The following ROBO2 variants were observed in gnomAD, a reference collection of about 807,000 sequenced individuals.
The protein encoded by ROBO2 is roundabout homolog 2.
Under a neutral mutation model 160.8 loss-of-function variants are expected in ROBO2, and 53 were observed. The observed-to-expected ratio is 0.33, with a 90% CI of 0.26 to 0.41. ROBO2 has a LOEUF of 0.41. Among genes scored for constraint, ROBO2 ranks in the 10% least tolerant of loss-of-function variants. The pLI, the probability that ROBO2 is intolerant of heterozygous loss-of-function variation, is 1.00. For synonymous variants in ROBO2, 664 were observed against 611.7 expected (o/e 1.09, Z -1.26); for missense variants, 1,577 against 1,722.4 (o/e 0.92, Z 1.49).
intron 1 of ROBO2, among the ~76,000 whole-genome samples, chr3:77,065,823 A>G (rs528734533): frequency 2.4e-4 from 37 of 152,280 alleles, no homozygotes; most frequent in South Asian, 8.3e-4. Context: ...CTCTGAGGTC[A>G]GAGTTCAAAT....
chr3:76,940,752 C>A (rs78028924), intron 2 of ROBO2, among the ~76,000 whole-genome samples: 14,864 of 152,250 alleles, frequency 0.098, 873 homozygotes, highest in East Asian at 0.24. Flanking sequence ...GGCTTTATTG[C>A]ACAATGTATA....
At chr3:76,914,889 C>T (rs1193530670) in intron 2 of ROBO2, among the ~76,000 whole-genome samples, 2 of 151,970 alleles carry the variant, frequency 1.3e-5, no homozygotes, top group Admixed American at 1.3e-4. Context: ...GAACAGCATC[C>T]CATTCTTACT....
intron 2 of ROBO2, among the ~76,000 whole-genome samples, chr3:75,965,880 T>G (rs1949091634): frequency 1.3e-5 from 2 of 151,722 alleles, no homozygotes; most frequent in African/African-American, 2.4e-5. Context: ...ATTAATATAT[T>G]AAAGTATCTT....
intron 2 of ROBO2, among the ~76,000 whole-genome samples, chr3:77,259,669 C>T (rs1454343155): frequency 6.6e-6 from 1 of 152,114 alleles, no homozygotes; most frequent in Non-Finnish European, 1.5e-5. Context: ...GAAAGTTTAC[C>T]TTAGCATTTC....
chr3:76,341,144 A>C (rs531838945), intron 2 of ROBO2, among the ~76,000 whole-genome samples: 3 of 152,246 alleles, frequency 2.0e-5, no homozygotes, highest in African/African-American at 7.2e-5. Context: ...TATCAGATTT[A>C]ACTTGTCAGA....
At chr3:77,318,383 A>G (rs2064292832) in intron 2 of ROBO2, among the ~76,000 whole-genome samples, 1 of 152,158 alleles carries the variant, frequency 6.6e-6, no homozygotes. Context: ...CCAATTCTCA[A>G]CTTCTATTAA....
At chr3:76,449,765 G>A (rs2077382420) in intron 2 of ROBO2, among the ~76,000 whole-genome samples, 2 of 152,156 alleles carry the variant, frequency 1.3e-5, no homozygotes, top group South Asian at 4.1e-4. Context: ...ACATTGAAGA[G>A]AGTCGTTAAA....
intron 4 of ROBO2, among the ~76,000 whole-genome samples, chr3:77,490,857 A>G (rs760218473): frequency 2.0e-5 from 3 of 152,188 alleles, no homozygotes; most frequent in Non-Finnish European, 4.4e-5. Flanking sequence ...TCGACATCCT[A>G]TGAACCATTG....
chr3:77,537,951 G>A (rs775761), intron 6 of ROBO2, among the ~76,000 whole-genome samples: 120,969 of 151,926 alleles, frequency 0.8, 49,015 homozygotes, highest in African/African-American at 0.95. Context: ...GGGAGGTACA[G>A]TTCAAGATGA....
chr3:76,706,344 A>C lies in ROBO2; in HGVS notation c.110-391670A>C, dbSNP rs560793076. On this transcript the variant is annotated intron_variant, in intron 2 of 26. Transcript: ENST00000487694. ...AAAAGTATTTGGTATTATTGAAGTC[A>C]ATTTGATTACCTCATCCGGAAGGTA... Among the ~76,000 whole-genome samples, 399 of 152,184 alleles carry C rather than the reference A, an allele frequency of 2.6e-3. 2 individuals are homozygous for C. The highest frequency in any genetic ancestry group is 9.2e-3 in the African/African-American group (383 of 41,548).
rs545035604 is a variant in ROBO2, at chr3:77,200,197, A to T, written c.388+101857A>T. The stretch of plus-strand genomic sequence containing the variant: ...TTCCTTCTAACAATGTTTTTCCAAC[A>T]TTTTAAAATGTAGTAGTAAAGAAAT... On this transcript the variant is annotated intron_variant, in intron 2 of 25. Transcript: ENST00000461745. 3.1e-4 allele frequency among the ~76,000 whole-genome samples: 45 copies of T among 144,780 alleles called. 1 individual carries two copies. The highest frequency in any genetic ancestry group is 1.0e-3 in the African/African-American group (41 of 39,804). The allele number at this position is 144,780 out of a possible 152,430, so 95.0% of individuals were successfully genotyped here.
At chr3:77,006,305 T>TTGTGTGTGTGTGTGTGTGTG (rs60754546) in intron 2 of ROBO2, among the ~76,000 whole-genome samples, 2 of 143,876 alleles carry the variant, frequency 1.4e-5, no homozygotes, top group Non-Finnish European at 3.0e-5. Context: ...ATTTTAATAT[T>TTGTGTGTGTGTGTGTGTGTG]TGTGTGTGTG....
intron 2 of ROBO2, among the ~76,000 whole-genome samples, chr3:76,129,172 C>G (rs2071124500): frequency 6.6e-6 from 1 of 152,000 alleles, no homozygotes; most frequent in Non-Finnish European, 1.5e-5. Context: ...GGAGGTCACA[C>G]TTTGATCTAT....
intron 2 of ROBO2, among the ~76,000 whole-genome samples, chr3:76,227,161 A>G (rs916893953): frequency 2.0e-5 from 3 of 152,184 alleles, no homozygotes; most frequent in African/African-American, 4.8e-5. Context: ...CTGAAAGTAT[A>G]TTTGGTGAAT....
intron 5 of ROBO2, among the ~76,000 whole-genome samples, chr3:77,501,954 C>T (rs1377872103): frequency 2.0e-5 from 3 of 152,042 alleles, no homozygotes; most frequent in African/African-American, 7.2e-5. Flanking sequence ...TTTCCTTTCC[C>T]ATAAATATAA....
chr3:77,467,620 T>TATC (rs1553969445), intron 2 of ROBO2, among the ~76,000 whole-genome samples: 7 of 150,428 alleles, frequency 4.7e-5, no homozygotes, highest in African/African-American at 1.7e-4. Flanking sequence ...TCTATCTATC[T>TATC]ATCTATCTAT....
In ROBO2 at chr3:77,311,834, C is replaced by G. The variant is rs1172775287; in HGVS notation, c.389-165580C>G. ...GGGCGCAGTGGGTCACGCCTGTAAT[C>G]CCAACACTTTGAGAGGCCGAGGTGG... On this transcript the variant is annotated intron_variant, in intron 2 of 25. Transcript: ENST00000461745. Among the ~76,000 whole-genome samples the G allele has an allele frequency of 2.0e-5, 3 of 152,262 alleles. No individual in the cohort carries two copies. In the East Asian group the frequency reaches 5.8e-4, roughly 29 times the overall value.
chr3:76,095,157 GAAGAT>G (rs374284185), intron 2 of ROBO2, among the ~76,000 whole-genome samples: 55 of 152,160 alleles, frequency 3.6e-4, no homozygotes, highest in Middle Eastern at 3.4e-3. Flanking sequence ...GTGAGAATGA[GAAGAT>G]AATATGGTGA....
chr3:76,056,250 A>T (rs2067842543), intron 2 of ROBO2, among the ~76,000 whole-genome samples: 1 of 152,216 alleles, frequency 6.6e-6, no homozygotes, highest in African/African-American at 2.4e-5. Context: ...GGACTTGAGT[A>T]TCTGCAGATT....
Sources: allele counts gnomAD v4.1 joint callset (sites outside exome capture counted in the v4.1 genomes callset), GRCh38; gene constraint gnomAD v4.1.1; transcripts MANE v1.5; gene names NCBI Gene and HGNC (gene_info 2026-07-23, HGNC 2026-07-21).